The following SCHIP1 variants were observed in gnomAD, a reference collection of about 807,000 sequenced individuals.
SCHIP1 encodes schwannomin interacting protein 1.
Under a neutral mutation model 29.7 loss-of-function variants are expected in SCHIP1, and 8 were observed. The observed-to-expected ratio is 0.27, with a 90% CI of 0.16 to 0.49. SCHIP1 has a LOEUF of 0.49. Among genes scored for constraint, SCHIP1 ranks in the 20% least tolerant of loss-of-function variants. The pLI is 0.99. For synonymous variants in SCHIP1, 76 were observed against 94.9 expected (o/e 0.80, Z 1.16); for missense variants, 193 against 294.6 (o/e 0.66, Z 2.52).
At chr3:159,597,447 G>T in the SCHIP1 span, among the ~76,000 whole-genome samples, 31,135 of 151,838 alleles carry the variant, frequency 0.21, 8,686 homozygotes, top group African/African-American at 0.63. Flanking sequence ...CACCTCCCAG[G>T]CATCCTGTCC....
At chr3:159,294,661 C>A in the SCHIP1 span, among the ~76,000 whole-genome samples, 1 of 152,124 alleles carries the variant, frequency 6.6e-6, no homozygotes, top group Non-Finnish European at 1.5e-5. Context: ...ACTCAGATTC[C>A]CTCCTTCAAA....
At chr3:159,854,854 C>G (rs1713135889) in intron 1 of SCHIP1, among the ~76,000 whole-genome samples, 1 of 152,150 alleles carries the variant, frequency 6.6e-6, no homozygotes, top group South Asian at 2.1e-4. Flanking sequence ...CATGACTGTT[C>G]TAGTTTTTTC....
At chr3:159,830,668 C>T in the SCHIP1 span, among the ~76,000 whole-genome samples, 3 of 152,156 alleles carry the variant, frequency 2.0e-5, no homozygotes, top group African/African-American at 7.2e-5. Flanking sequence ...GGAGAAGTAT[C>T]CTGACACCAG....
the SCHIP1 span, among the ~76,000 whole-genome samples, chr3:159,522,434 GTTTGT>G: frequency 6.6e-6 from 1 of 152,122 alleles, no homozygotes; most frequent in Non-Finnish European, 1.5e-5. Context: ...GGTTTCCAAG[GTTTGT>G]TTTATTTAAA....
the SCHIP1 span, among the ~76,000 whole-genome samples, chr3:159,471,486 C>A: frequency 6.6e-6 from 1 of 151,850 alleles, no homozygotes; most frequent in African/African-American, 2.4e-5. Context: ...TAATCAGTAT[C>A]AAATCTTTAA....
the SCHIP1 span, among the ~76,000 whole-genome samples, chr3:159,289,488 C>T: frequency 2.0e-5 from 3 of 152,166 alleles, no homozygotes; most frequent in East Asian, 5.8e-4. Flanking sequence ...TTTCCTTCTT[C>T]TTCATCTGGC....
the SCHIP1 span, among the ~76,000 whole-genome samples, chr3:159,507,544 C>A: frequency 2.0e-5 from 3 of 152,100 alleles, no homozygotes; most frequent in African/African-American, 7.2e-5. Context: ...TGTCTTGTGC[C>A]AGTTTTCAAA....
At chr3:159,337,047 C>T in the SCHIP1 span, among the ~76,000 whole-genome samples, 36,441 of 151,954 alleles carry the variant, frequency 0.24, 4,720 homozygotes, top group African/African-American at 0.33. Flanking sequence ...GTTCAACATA[C>T]GCAAATCAAT....
At chr3:159,375,386 A>G in the SCHIP1 span, among the ~76,000 whole-genome samples, 1 of 152,242 alleles carries the variant, frequency 6.6e-6, no homozygotes, top group Non-Finnish European at 1.5e-5. Flanking sequence ...GCTAGAGAAT[A>G]CAGCATGTGC....
chr3:159,300,722 T>G, the SCHIP1 span, among the ~76,000 whole-genome samples: 5 of 152,330 alleles, frequency 3.3e-5, no homozygotes, highest in African/African-American at 1.2e-4. Flanking sequence ...CCACTTTATC[T>G]GATAATGCCC....
At chr3:159,440,581 T>G in the SCHIP1 span, among the ~76,000 whole-genome samples, 1 of 152,322 alleles carries the variant, frequency 6.6e-6, no homozygotes, top group South Asian at 2.1e-4. Context: ...CACTCTCTTT[T>G]GCCAAATATT....
chr3:159,359,477 CTTAA>C, the SCHIP1 span, among the ~76,000 whole-genome samples: 21 of 152,070 alleles, frequency 1.4e-4, no homozygotes, highest in East Asian at 1.9e-4. Flanking sequence ...CACATGTCTA[CTTAA>C]TTAATTAATG....
chr3:159,556,861 T>C, the SCHIP1 span, among the ~76,000 whole-genome samples: 2 of 151,070 alleles, frequency 1.3e-5, no homozygotes, highest in African/African-American at 4.9e-5. Context: ...GGCACATGTA[T>C]ACATATGTAA....
At chr3:159,766,938 A>G in the SCHIP1 span, among the ~76,000 whole-genome samples, 2 of 152,192 alleles carry the variant, frequency 1.3e-5, no homozygotes, top group Non-Finnish European at 2.9e-5. Context: ...TTTGAAACCA[A>G]TGGTGTATCC....
At chr3:159,791,565 GT>G in the SCHIP1 span, among the ~76,000 whole-genome samples, 1 of 152,240 alleles carries the variant, frequency 6.6e-6, no homozygotes, top group African/African-American at 2.4e-5. Context: ...CTGGAGGGGT[GT>G]CCTACAGGAG....
At chr3:159,671,305 T>A in the SCHIP1 span, among the ~76,000 whole-genome samples, 28 of 152,308 alleles carry the variant, frequency 1.8e-4, no homozygotes, top group African/African-American at 5.1e-4. Context: ...CCTCAGGAGA[T>A]CTCCTGACAT....
the SCHIP1 span, among the ~76,000 whole-genome samples, chr3:159,742,251 G>A: frequency 2.0e-5 from 3 of 152,106 alleles, no homozygotes; most frequent in African/African-American, 4.8e-5. Flanking sequence ...AGTTGATTGC[G>A]CTTCTTCCTG....
chr3:159,882,937 A>G (rs1238303917), intron 2 of SCHIP1, among the ~76,000 whole-genome samples: 1 of 152,200 alleles, frequency 6.6e-6, no homozygotes, highest in African/African-American at 2.4e-5. Context: ...TCACACTGAG[A>G]TGTCCAGAAG....
At chr3:159,595,952 G>A in the SCHIP1 span, among the ~76,000 whole-genome samples, 14 of 152,094 alleles carry the variant, frequency 9.2e-5, no homozygotes, top group Admixed American at 7.2e-4. Context: ...ATCGACAAAT[G>A]GGATCTAATT....
Sources: gnomAD v4.1 joint callset for allele counts (sites outside exome capture counted in the v4.1 genomes callset) on GRCh38, gnomAD v4.1.1 for gene constraint, MANE v1.5 for transcripts, NCBI Gene and HGNC (gene_info 2026-07-23, HGNC 2026-07-21) for gene names.